ERCC6L2: variants seen among roughly 807,000 people sequenced by gnomAD.
The protein encoded by ERCC6L2 is DNA excision repair protein ERCC-6-like 2.
A neutral mutation model predicts 132.0 loss-of-function variants in ERCC6L2; 77 were observed. The observed-to-expected ratio is 0.58, with a 90% CI of 0.49 to 0.71. The LOEUF is 0.71. Among genes scored for constraint, ERCC6L2 ranks in the 30% least tolerant of loss-of-function variants. The pLI, the probability that ERCC6L2 is intolerant of heterozygous loss-of-function variation, is 0.00. For missense variants in ERCC6L2, 1,542 were observed against 1,837.6 expected, an observed-to-expected ratio of 0.84 and a Z score of 2.94; for synonymous variants, 583 against 632.4, an observed-to-expected ratio of 0.92 and a Z score of 1.17.
intron 13 of ERCC6L2, among the ~76,000 whole-genome samples, chr9:95,965,614 T>C (rs1832118432): frequency 1.3e-5 from 2 of 152,130 alleles, no homozygotes; most frequent in Non-Finnish European, 2.9e-5. Context: ...CAAGCAATTC[T>C]CCTGCCTCAG....
chr9:95,905,034 A>C (rs1828963556), intron 3 of ERCC6L2: 1 of 152,142 alleles, frequency 6.6e-6, no homozygotes, highest in South Asian at 2.1e-4. Flanking sequence ...TGAACACACC[A>C]CATCTCGTCT....
chr9:95,940,276 T>C (rs1488222139), intron 11 of ERCC6L2, among the ~76,000 whole-genome samples: 2 of 152,146 alleles, frequency 1.3e-5, no homozygotes, highest in Non-Finnish European at 2.9e-5. Context: ...TGTGTCACAT[T>C]TTTCTGCCTT....
At chr9:95,951,223 G>C (rs569515614) in intron 12 of ERCC6L2, among the ~76,000 whole-genome samples, 1 of 152,098 alleles carries the variant, frequency 6.6e-6, no homozygotes, top group African/African-American at 2.4e-5. Context: ...TTAACAAAAG[G>C]GTTGAAGAAG....
At chr9:95,918,152 T>C (rs113133363) in intron 6 of ERCC6L2, 5,484 of 467,226 alleles carry the variant, frequency 0.012, 163 homozygotes, top group African/African-American at 0.073. Flanking sequence ...TCCAAAAGAG[T>C]TGTGGTCATC....
intron 11 of ERCC6L2, among the ~76,000 whole-genome samples, chr9:95,937,795 C>A (rs62562980): frequency 0.093 from 14,047 of 151,088 alleles, 745 homozygotes; most frequent in Admixed American, 0.14. Flanking sequence ...TGTTATTTTT[C>A]TGTGTTCAGT....
At chr9:95,945,946 G>T (rs1253691454) in intron 12 of ERCC6L2, among the ~76,000 whole-genome samples, 3 of 151,904 alleles carry the variant, frequency 2.0e-5, no homozygotes, top group African/African-American at 4.8e-5. Flanking sequence ...TTAGACTCAG[G>T]TTTATGCTTA....
At chr9:96,029,718 G>A (rs1357801011) in intron 19 of ERCC6L2, among the ~76,000 whole-genome samples, 1 of 152,302 alleles carries the variant, frequency 6.6e-6, no homozygotes, top group East Asian at 1.9e-4. Flanking sequence ...ACATCTGCAC[G>A]CACAATCTTT....
intron 3 of ERCC6L2, among the ~76,000 whole-genome samples, chr9:95,901,311 T>C (rs945444757): frequency 3.3e-5 from 5 of 152,140 alleles, no homozygotes; most frequent in African/African-American, 1.2e-4. Context: ...TTTTAATTGA[T>C]GAAATTTGGA....
intron 4 of ERCC6L2, among the ~76,000 whole-genome samples, chr9:95,912,492 C>T (rs1829388844): frequency 6.6e-6 from 1 of 151,974 alleles, no homozygotes; most frequent in African/African-American, 2.4e-5. Context: ...GGTAATGAGT[C>T]ATTTCAGCAA....
chr9:95,995,301 C>T (rs1426081857), intron 17 of ERCC6L2, among the ~76,000 whole-genome samples: 1 of 152,142 alleles, frequency 6.6e-6, no homozygotes, highest in Non-Finnish European at 1.5e-5. Context: ...ACACAGAATA[C>T]ACTTTTGGTT....
At chr9:95,965,719 G>A (rs1832124124) in intron 13 of ERCC6L2, among the ~76,000 whole-genome samples, 1 of 152,024 alleles carries the variant, frequency 6.6e-6, no homozygotes, top group Non-Finnish European at 1.5e-5. Context: ...CGACCAGGTT[G>A]GGCTCTGACT....
chr9:95,907,056 A>C (rs750400402), intron 3 of ERCC6L2, 22 bp from the exon 4 acceptor site: 8 of 1,573,670 alleles, frequency 5.1e-6, no homozygotes, highest in Admixed American at 2.1e-5. Flanking sequence ...AAAACAGCAA[A>C]ATTTTTTTAT....
At chr9:95,915,537 A>T in intron 4 of ERCC6L2, 131 bp from the exon 5 acceptor site, 1 of 886,878 alleles carries the variant, frequency 1.1e-6, no homozygotes, top group Non-Finnish European at 1.7e-6. Context: ...GTAAGAATCC[A>T]ATGGAGTCAT....
At position 96,013,055 on chromosome 9, in the gene ERCC6L2, T is replaced by G. The variant is rs1233004223; in HGVS notation, c.4505T>G (p.Leu1502Arg). Residue 1502 changes from leucine to arginine, a missense_variant, in exon 19 of 19, where the codon CTG becomes CGG. Coordinates refer to ENST00000653738, the MANE Select transcript of ERCC6L2 (RefSeq NM_020207.7). ...ACAGACTTGGCAGTAATAGAGACTC[T>G]GTGTGAAAAAGCACCTCTAGCAGCA... Reference protein sequence around the residue: ...KLTDLAVIETLCEKAPLAAPF... With the variant: ...KLTDLAVIETRCEKAPLAAPF... 7.3e-7 allele frequency: 1 copy of G among 1,367,450 alleles called. No individual in the cohort carries two copies. The allele number at this position is 1,367,450 out of a possible 1,614,324, so 84.7% of individuals were successfully genotyped here. A position where few individuals can be genotyped will look rare whatever the true frequency, so the allele number is the denominator to read the frequency against.
At chr9:95,933,487 AC>A (rs1830428617) in intron 11 of ERCC6L2, among the ~76,000 whole-genome samples, 1 of 152,164 alleles carries the variant, frequency 6.6e-6, no homozygotes, top group Admixed American at 6.5e-5. Flanking sequence ...GAGACCTTGA[AC>A]AAATTAATTT....
chr9:95,973,051 T>A lies in ERCC6L2; in HGVS notation c.3300T>A (p.Asn1100Lys). 1 of 1,360,758 alleles carries A rather than the reference T, an allele frequency of 7.3e-7. No individual in the cohort carries two copies. Among genetic ancestry groups the A allele is most frequent in the Non-Finnish European group, 9.8e-7 (1 of 1,019,460 alleles). The allele number at this position is 1,360,758 out of a possible 1,614,324, so 84.3% of individuals were successfully genotyped here. Residue 1100 changes from asparagine (N) to lysine (K), a missense_variant, in exon 16 of 19, where the codon AAT becomes AAA. Asn to Lys is a moderately conservative substitution (Grantham distance 94). This residue lies in a region of ERCC6L2 where 442 missense variants were observed against 583.4 expected (regional missense o/e 0.76). Coordinates refer to ENST00000653738, the MANE Select transcript of ERCC6L2 (RefSeq NM_020207.7). ...PMKCSNEKVVNQEQSYESMDK... is the reference protein window; with the variant it reads ...PMKCSNEKVVKQEQSYESMDK... ...AATGTTCAAATGAGAAAGTTGTTAA[T>A]CAAGAGCAGTCGTATGAATCAATGG...
chr9:96,022,286 G>T (rs1192079116), downstream of ERCC6L2, among the ~76,000 whole-genome samples: 1 of 152,196 alleles, frequency 6.6e-6, no homozygotes, highest in Non-Finnish European at 1.5e-5. Flanking sequence ...CCGGGACCGC[G>T]GCGGGTGCAA....
downstream of ERCC6L2, chr9:96,021,048 C>G (rs1417089618): frequency 2.2e-6 from 1 of 452,694 alleles, no homozygotes; most frequent in East Asian, 7.0e-5. The surrounding 1 kb of genome is among the most constrained non-coding windows in gnomAD (Gnocchi z 4.7). Flanking sequence ...GCGGCGAACC[C>G]AGCTAGGGGG....
chr9:95,915,553 A>G, intron 4 of ERCC6L2, 115 bp from the exon 5 acceptor site: 1 of 1,081,112 alleles, frequency 9.2e-7, no homozygotes, highest in South Asian at 1.6e-5. Context: ...GTCATCAAAG[A>G]GTAAAAAGGA....
Sources: allele counts gnomAD v4.1 joint callset (sites outside exome capture counted in the v4.1 genomes callset), GRCh38; gene constraint gnomAD v4.1.1; regional missense constraint gnomAD v4.1.1; non-coding constraint Gnocchi (gnomAD v3.1); transcripts MANE v1.5; gene names NCBI Gene and HGNC (gene_info 2026-07-23, HGNC 2026-07-21).